Variants in NAA15 observed in about 807,000 individuals in gnomAD.
NAA15 encodes N-alpha-acetyltransferase 15, NatA auxiliary subunit.
NAA15 carries 34 observed loss-of-function variants against 114.0 expected under a neutral mutation model. That is an observed-to-expected ratio of 0.30 (90% CI 0.23 to 0.40). The LOEUF is 0.40. Among genes scored for constraint, NAA15 ranks in the 10% least tolerant of loss-of-function variants. The probability of loss-of-function intolerance (pLI) is 1.00; values close to 1 mark genes in which losing one functional copy is unlikely to be tolerated. For synonymous variants in NAA15, 340 were observed against 338.0 expected (o/e 1.01, Z -0.06); for missense variants, 658 against 1,004.5 (o/e 0.66, Z 4.66).
At chr4:139,345,608 C>A (rs1402066577) in intron 6 of NAA15, among the ~76,000 whole-genome samples, 6 of 152,040 alleles carry the variant, frequency 3.9e-5, no homozygotes, top group African/African-American at 1.4e-4. Flanking sequence ...TGGTAAAAGC[C>A]CAAACATCAA....
chr4:139,354,552 G>T (rs145176512), intron 10 of NAA15, among the ~76,000 whole-genome samples: 57 of 152,082 alleles, frequency 3.7e-4, no homozygotes, highest in African/African-American at 1.3e-3. Flanking sequence ...TCTTGCATTG[G>T]CCTCTTAAAG....
At chr4:139,333,273 G>A (rs1404189163) in intron 1 of NAA15, among the ~76,000 whole-genome samples, 1 of 151,980 alleles carries the variant, frequency 6.6e-6, no homozygotes, top group East Asian at 1.9e-4. Context: ...ATTATAAGTT[G>A]AAACTTAATT....
intron 1 of NAA15, among the ~76,000 whole-genome samples, chr4:139,310,939 CAG>C (rs1364656501): frequency 1.4e-5 from 2 of 144,454 alleles, no homozygotes; most frequent in Admixed American, 6.8e-5. Context: ...AATTTTGAGA[CAG>C]AGTCTTACTC....
At chr4:139,341,701 G>T (rs1747401368) in intron 4 of NAA15, among the ~76,000 whole-genome samples, 1 of 148,380 alleles carries the variant, frequency 6.7e-6, no homozygotes. Flanking sequence ...ACATTTTTCT[G>T]GAAAGCAAAA....
intron 1 of NAA15, among the ~76,000 whole-genome samples, chr4:139,314,920 C>G (rs981785621): frequency 6.6e-6 from 1 of 151,768 alleles, no homozygotes; most frequent in Non-Finnish European, 1.5e-5. Flanking sequence ...TTGTGATCCG[C>G]CTGCCTCGGC....
At chr4:139,341,821 A>G (rs1747406508) in intron 4 of NAA15, among the ~76,000 whole-genome samples, 1 of 151,580 alleles carries the variant, frequency 6.6e-6, no homozygotes, top group South Asian at 2.1e-4. Context: ...TCCTGGGTTC[A>G]AGCAGTTCTC....
intron 14 of NAA15, among the ~76,000 whole-genome samples, chr4:139,365,094 A>G (rs918460744): frequency 9.2e-5 from 14 of 152,048 alleles, no homozygotes; most frequent in African/African-American, 3.1e-4. Flanking sequence ...CTGGTGTGCA[A>G]TGGTACAATC....
At chr4:139,301,940 G>C (rs1745778080) in intron 1 of NAA15, 109 bp downstream of exon 1, 5 of 1,187,354 alleles carry the variant, frequency 4.2e-6, no homozygotes, top group Non-Finnish European at 5.9e-6. Context: ...CCGGGACCCC[G>C]CCTTCATAGC....
intron 2 of NAA15, among the ~76,000 whole-genome samples, chr4:139,336,476 A>G (rs1747203982): frequency 6.6e-6 from 1 of 152,148 alleles, no homozygotes; most frequent in Non-Finnish European, 1.5e-5. Context: ...ACAGAAATAA[A>G]GTATATTTTC....
rs1749019456 is a variant in NAA15, at chr4:139,390,282, A to G, written c.*2198A>G. 6.6e-6 allele frequency: 1 copy of G among 152,636 alleles called. No individual in the cohort carries two copies. Among genetic ancestry groups the G allele is most frequent in the African/African-American group, 2.4e-5 (1 of 41,454 alleles). The allele number at this position is 152,636 out of a possible 1,614,324, so 9.5% of individuals were successfully genotyped here. A position where few individuals can be genotyped will look rare whatever the true frequency, so the allele number is the denominator to read the frequency against. ...CAATTTTACTGGAACTATTGAATAA[A>G]TCTTTTATTTTCTTTCAGGTTTACT... is the stretch of plus-strand genomic sequence containing the variant. On this transcript the variant is annotated 3_prime_UTR_variant, in exon 20 of 20. Transcript: ENST00000296543.
At chr4:139,375,367 G>T (rs1158196310) in intron 15 of NAA15, among the ~76,000 whole-genome samples, 6 of 152,094 alleles carry the variant, frequency 3.9e-5, no homozygotes, top group African/African-American at 1.4e-4. Context: ...GCTTTTAATG[G>T]GTTATTTTAT....
chr4:139,306,799 T>C (rs1746038453), intron 1 of NAA15, among the ~76,000 whole-genome samples: 2 of 152,120 alleles, frequency 1.3e-5, no homozygotes. Flanking sequence ...GTTGCCAGAG[T>C]AGAACAAAAT....
At chr4:139,336,752 T>C (rs1036065161) in intron 2 of NAA15, 96 bp from the exon 3 acceptor site, 5 of 568,922 alleles carry the variant, frequency 8.8e-6, no homozygotes, top group Middle Eastern at 5.1e-4. Context: ...CTTAAGGCAG[T>C]GTAGCATTTG....
intron 4 of NAA15, among the ~76,000 whole-genome samples, chr4:139,342,551 G>A (rs1238882124): frequency 6.8e-6 from 1 of 146,072 alleles, no homozygotes; most frequent in African/African-American, 2.6e-5. Context: ...CCGGGTTCAA[G>A]TGATTCTCCC....
chr4:139,326,381 C>T (rs1203434140), intron 1 of NAA15, among the ~76,000 whole-genome samples: 1 of 152,184 alleles, frequency 6.6e-6, no homozygotes, highest in African/African-American at 2.4e-5. Flanking sequence ...AAGCACTTAG[C>T]ACAGTGCCTG....
At chr4:139,332,094 T>A (rs556683002) in intron 1 of NAA15, among the ~76,000 whole-genome samples, 51 of 152,278 alleles carry the variant, frequency 3.3e-4, no homozygotes, top group African/African-American at 1.2e-3. Context: ...GTTCTCTAGT[T>A]CTTTTTTCTG....
At chr4:139,360,753 A>G (rs1676919539) in intron 13 of NAA15, 125 bp downstream of exon 13, 1 of 843,880 alleles carries the variant, frequency 1.2e-6, no homozygotes, top group Non-Finnish European at 1.7e-6. Context: ...ATCAGTATTC[A>G]CTTTTTTCAG....
rs769116968 is a variant in NAA15, at chr4:139,361,921, A to C, written c.1737A>C (p.Glu579Asp). Residue 579 changes from glutamate (E) to aspartate (D), a missense_variant, in exon 14 of 20, where the codon GAA (glutamate) becomes GAC (aspartate). By Grantham distance (45) the Glu-to-Asp change is conservative (BLOSUM62 2). Coordinates refer to ENST00000296543, the MANE Select transcript of NAA15 (RefSeq NM_057175.5). ...ACCCCCTTACAGATGAGAATAAAGA[A>C]CACGAAGCTGATACAGGTATAATAT... Reference protein sequence around the residue: ...HDNPLTDENKEHEADTANMSD... With the variant: ...HDNPLTDENKDHEADTANMSD... 6.2e-7 allele frequency: 1 copy of C among 1,610,936 alleles called. No individual in the cohort carries two copies.
chr4:139,361,683 T>G, intron 13 of NAA15, 41 bp from the exon 14 acceptor site: 1 of 1,269,222 alleles, frequency 7.9e-7, no homozygotes, highest in Admixed American at 2.2e-5. Context: ...TCTTAGCCAT[T>G]GCTGTACTTC....
Sources: gnomAD v4.1 joint callset for allele counts (sites outside exome capture counted in the v4.1 genomes callset) on GRCh38, gnomAD v4.1.1 for gene constraint, MANE v1.5 for transcripts, NCBI Gene and HGNC (gene_info 2026-07-23, HGNC 2026-07-21) for gene names.